The following NAALADL2 variants were observed in gnomAD, a reference collection of about 807,000 sequenced individuals.
NAALADL2 encodes N-acetylated alpha-linked acidic dipeptidase like 2, also known as inactive N-acetylated-alpha-linked acidic dipeptidase-like protein 2.
In NAALADL2, 76 loss-of-function variants were observed where a neutral mutation model predicts 87.2. That is an observed-to-expected ratio of 0.87 (90% CI 0.72 to 1.05). The LOEUF (loss-of-function observed/expected upper bound fraction) is 1.05, where lower values mean the gene tolerates loss of function less well. Ranked by LOEUF, NAALADL2 falls within the 50% of genes least tolerant of loss-of-function variation. The pLI is 0.00. For missense variants in NAALADL2, 1,089 were observed against 945.8 expected (o/e 1.15, Z -1.99); for synonymous variants, 354 against 331.0 (o/e 1.07, Z -0.75).
chr3:175,303,976 T>C (rs557741333), intron 4 of NAALADL2, among the ~76,000 whole-genome samples: 2 of 151,970 alleles, frequency 1.3e-5, no homozygotes, highest in South Asian at 2.1e-4. Flanking sequence ...ATGTTAGCAG[T>C]GTGAAGGGGG....
At chr3:175,178,115 G>A (rs999070911) in intron 2 of NAALADL2, among the ~76,000 whole-genome samples, 2 of 151,924 alleles carry the variant, frequency 1.3e-5, no homozygotes, top group Non-Finnish European at 2.9e-5. Context: ...CTCCTCAGTT[G>A]TTTAAGATAA....
intron 1 of NAALADL2, among the ~76,000 whole-genome samples, chr3:175,036,869 T>C (rs1753483158): frequency 7.2e-6 from 1 of 138,936 alleles, no homozygotes; most frequent in Admixed American, 7.7e-5. Context: ...AACAGCATAA[T>C]AACTCCTGTT....
chr3:175,066,795 A>G (rs1714615094), intron 1 of NAALADL2, among the ~76,000 whole-genome samples: 1 of 152,134 alleles, frequency 6.6e-6, no homozygotes, highest in Admixed American at 6.6e-5. Context: ...AATAATCCAA[A>G]AACAGGTGAG....
chr3:175,243,321 A>AACACACAC (rs113418317), intron 3 of NAALADL2, among the ~76,000 whole-genome samples: 39,551 of 144,280 alleles, frequency 0.27, 6,285 homozygotes, highest in South Asian at 0.37. Context: ...TTTAGAAGGA[A>AACACACAC]ACACACACAC....
intron 1 of NAALADL2, among the ~76,000 whole-genome samples, chr3:174,507,269 C>A (rs369465731): frequency 2.4e-4 from 36 of 152,228 alleles, no homozygotes; most frequent in African/African-American, 8.2e-4. Context: ...GCTTCACTTA[C>A]AAAAGATGTT....
chr3:175,504,085 G>A (rs1234685660), intron 9 of NAALADL2, among the ~76,000 whole-genome samples: 1 of 152,114 alleles, frequency 6.6e-6, no homozygotes, highest in African/African-American at 2.4e-5. Context: ...AGTCTTTAAT[G>A]CATTTTGAGT....
chr3:175,070,122 C>T (rs1258679261), intron 1 of NAALADL2, among the ~76,000 whole-genome samples: 3 of 150,358 alleles, frequency 2.0e-5, no homozygotes, highest in Admixed American at 6.7e-5. Context: ...TGTAACTAAC[C>T]TGCACATTGT....
intron 9 of NAALADL2, among the ~76,000 whole-genome samples, chr3:175,541,874 C>T (rs575113349): frequency 2.0e-5 from 3 of 152,298 alleles, no homozygotes; most frequent in East Asian, 3.9e-4. Flanking sequence ...GTGTGTGACA[C>T]CACGCCCAGC....
At chr3:175,499,958 A>T (rs1444585125) in intron 9 of NAALADL2, among the ~76,000 whole-genome samples, 2 of 152,086 alleles carry the variant, frequency 1.3e-5, no homozygotes, top group Non-Finnish European at 2.9e-5. Flanking sequence ...ATATTGGAAT[A>T]TTACTTTCTC....
intron 2 of NAALADL2, among the ~76,000 whole-genome samples, chr3:175,150,203 T>C (rs2108777422): frequency 6.6e-6 from 1 of 152,290 alleles, no homozygotes; most frequent in East Asian, 1.9e-4. Flanking sequence ...GCAAATGTTT[T>C]GTTGCCTCAG....
chr3:175,447,267 C>G lies in NAALADL2; in HGVS notation c.1129C>G (p.Leu377Val), dbSNP rs376966139. 2 of 1,605,598 alleles carry G rather than the reference C, an allele frequency of 1.2e-6. No individual in the cohort carries two copies. Among genetic ancestry groups the G allele is most frequent in the Admixed American group, 1.7e-5 (1 of 58,586 alleles). Reference sequence around the variant, plus strand: ...ACAAAGCCGATCAAACCTCACCTCTCTATTAGTGCAGCCCATCTCTGCACC... The same window carrying G: ...ACAAAGCCGATCAAACCTCACCTCTGTATTAGTGCAGCCCATCTCTGCACC... Reference protein sequence around the residue: ...FRQSRSNLTSLLVQPISAPLV... With the variant: ...FRQSRSNLTSVLVQPISAPLV... Residue 377 changes from leucine (L) to valine (V), a missense_variant, in exon 6 of 14, where the codon CTA becomes GTA. Coordinates refer to ENST00000454872, the MANE Select transcript of NAALADL2 (RefSeq NM_207015.3).
At chr3:174,924,071 T>G (rs948134072) in intron 1 of NAALADL2, among the ~76,000 whole-genome samples, 1 of 152,126 alleles carries the variant, frequency 6.6e-6, no homozygotes, top group Non-Finnish European at 1.5e-5. Flanking sequence ...TACATGCTTT[T>G]CTTTTTTTAT....
rs111381540 is a variant in NAALADL2 at position 175,538,341 on chromosome 3, A to G, written c.1654-37700A>G. 4.9e-3 allele frequency among the ~76,000 whole-genome samples: 746 copies of G among 152,204 alleles called. 3 individuals are homozygous for G. The highest frequency in any genetic ancestry group is 8.0e-3 in the Non-Finnish European group (541 of 67,978). On this transcript the variant is annotated intron_variant, in intron 9 of 13. Transcript: ENST00000454872. The stretch of plus-strand genomic sequence containing the variant: ...ACCTAAAACAGGGTATAAAATATTA[A>G]CATTTTTTCCTCCTTAAGTAAAGTG...
chr3:175,490,015 A>G (rs1727827066), intron 9 of NAALADL2, among the ~76,000 whole-genome samples: 1 of 152,074 alleles, frequency 6.6e-6, no homozygotes. Flanking sequence ...CCTGACCCTC[A>G]CTTCTAAAGG....
At chr3:174,925,285 A>T (rs932651989) in intron 1 of NAALADL2, among the ~76,000 whole-genome samples, 4 of 152,184 alleles carry the variant, frequency 2.6e-5, no homozygotes, top group African/African-American at 4.8e-5. Flanking sequence ...AGCTTTCTAC[A>T]TATGGCTAGC....
intron 11 of NAALADL2, among the ~76,000 whole-genome samples, chr3:175,636,861 A>C (rs544661158): frequency 6.6e-6 from 1 of 152,338 alleles, no homozygotes; most frequent in South Asian, 2.1e-4. Flanking sequence ...TGTAAAAAAT[A>C]TATGACATTT....
chr3:175,399,775 C>G (rs1264540200), intron 5 of NAALADL2, among the ~76,000 whole-genome samples: 2 of 152,118 alleles, frequency 1.3e-5, no homozygotes, highest in Non-Finnish European at 2.9e-5. Context: ...TCTGGGAATG[C>G]AGCCCAGAAG....
At chr3:175,589,076 G>A (rs955313562) in intron 10 of NAALADL2, among the ~76,000 whole-genome samples, 5 of 152,138 alleles carry the variant, frequency 3.3e-5, no homozygotes, top group Non-Finnish European at 7.4e-5. Context: ...GAATTTATGT[G>A]TTTGAATCTT....
chr3:174,604,024 G>A (rs368161653), intron 2 of NAALADL2, among the ~76,000 whole-genome samples: 3 of 152,200 alleles, frequency 2.0e-5, no homozygotes, highest in Admixed American at 6.5e-5. Flanking sequence ...GTGGAAAAGA[G>A]TGTCTATCCT....
Sources: allele counts gnomAD v4.1 joint callset (sites outside exome capture counted in the v4.1 genomes callset), GRCh38; gene constraint gnomAD v4.1.1; transcripts MANE v1.5; gene names NCBI Gene and HGNC (gene_info 2026-07-23, HGNC 2026-07-21).